The following SHISA6 variants were observed in gnomAD, a reference collection of about 807,000 sequenced individuals.
SHISA6 encodes the protein protein shisa-6.
In SHISA6, 22 loss-of-function variants were observed where a neutral mutation model predicts 47.9. That is an observed-to-expected ratio of 0.46 (90% CI 0.33 to 0.66). SHISA6 has a LOEUF of 0.66. Ranked by LOEUF, SHISA6 falls within the 30% of genes least tolerant of loss-of-function variation. The pLI is 0.02. For synonymous variants in SHISA6, 388 were observed against 337.8 expected (o/e 1.15, Z -1.63); for missense variants, 680 against 764.6 (o/e 0.89, Z 1.30).
intron 3 of SHISA6, among the ~76,000 whole-genome samples, chr17:11,390,163 G>A (rs763220158): frequency 9.2e-5 from 14 of 152,292 alleles, no homozygotes; most frequent in African/African-American, 2.6e-4. Context: ...AAATAGTAAC[G>A]TAAATTTTCT....
intron 3 of SHISA6, among the ~76,000 whole-genome samples, chr17:11,483,575 C>T (rs1430546734): frequency 6.6e-6 from 1 of 152,256 alleles, no homozygotes; most frequent in African/African-American, 2.4e-5. Context: ...AGCAGTGTTG[C>T]ACAGAATTCA....
chr17:11,546,609 A>G (rs1382459999), intron 3 of SHISA6, among the ~76,000 whole-genome samples: 1 of 152,208 alleles, frequency 6.6e-6, no homozygotes, highest in Non-Finnish European at 1.5e-5. Context: ...ACTTAAAGGC[A>G]AAAAGAAGGC....
chr17:11,300,469 C>T (rs1909887748), intron 2 of SHISA6, among the ~76,000 whole-genome samples: 1 of 152,108 alleles, frequency 6.6e-6, no homozygotes, highest in African/African-American at 2.4e-5. Context: ...TCCAGGCAGC[C>T]CTGTCAGTTG....
intron 2 of SHISA6, among the ~76,000 whole-genome samples, chr17:11,346,193 C>G (rs1237780129): frequency 6.6e-6 from 1 of 152,016 alleles, no homozygotes; most frequent in African/African-American, 2.4e-5. Flanking sequence ...TTTTCTGCAT[C>G]TTTTGAGATA....
intron 3 of SHISA6, among the ~76,000 whole-genome samples, chr17:11,528,043 A>G (rs925933958): frequency 4.6e-5 from 7 of 152,184 alleles, no homozygotes; most frequent in African/African-American, 1.7e-4. Flanking sequence ...GAACTTTACA[A>G]TAAACTTTAA....
intron 3 of SHISA6, among the ~76,000 whole-genome samples, chr17:11,545,824 C>A (rs1270192361): frequency 6.6e-6 from 1 of 152,148 alleles, no homozygotes; most frequent in Non-Finnish European, 1.5e-5. Context: ...TTTCATGTAT[C>A]CTTCTCATGT....
At chr17:11,304,770 C>T (rs1053905087) in intron 2 of SHISA6, among the ~76,000 whole-genome samples, 2 of 149,790 alleles carry the variant, frequency 1.3e-5, no homozygotes, top group Non-Finnish European at 3.0e-5. Flanking sequence ...TAGGGAAACT[C>T]AGCCCTGAGA....
intron 1 of SHISA6, among the ~76,000 whole-genome samples, chr17:11,245,759 G>A (rs1235975652): frequency 7.5e-6 from 1 of 134,172 alleles, no homozygotes; most frequent in African/African-American, 3.9e-5. Flanking sequence ...TGGGGGGGGT[G>A]GATATCTAGG....
At chr17:11,312,513 G>A (rs930307247) in intron 2 of SHISA6, among the ~76,000 whole-genome samples, 2 of 152,108 alleles carry the variant, frequency 1.3e-5, no homozygotes, top group Non-Finnish European at 2.9e-5. Context: ...AGGCTAAAAA[G>A]CAAAATATAC....
chr17:11,456,614 C>A (rs1006945070), intron 3 of SHISA6, among the ~76,000 whole-genome samples: 2 of 152,262 alleles, frequency 1.3e-5, no homozygotes, highest in East Asian at 1.9e-4. Context: ...TGAAATAGTT[C>A]TTTGAACCTC....
chr17:11,407,213 T>C (rs1163653116), intron 3 of SHISA6, among the ~76,000 whole-genome samples: 1 of 151,946 alleles, frequency 6.6e-6, no homozygotes, highest in Admixed American at 6.6e-5. Flanking sequence ...CTGAATTTTA[T>C]AGGTGAGGAA....
chr17:11,328,997 T>C (rs1911009716), intron 2 of SHISA6, among the ~76,000 whole-genome samples: 1 of 152,152 alleles, frequency 6.6e-6, no homozygotes, highest in Non-Finnish European at 1.5e-5. Flanking sequence ...TAACAATAAA[T>C]CAAAACAATG....
intron 2 of SHISA6, among the ~76,000 whole-genome samples, chr17:11,362,249 C>T (rs1366585256): frequency 6.6e-6 from 1 of 152,098 alleles, no homozygotes; most frequent in African/African-American, 2.4e-5. Context: ...AAGCAATCCT[C>T]CTGCCCAAGC....
intron 3 of SHISA6, among the ~76,000 whole-genome samples, chr17:11,386,864 C>A (rs1168224977): frequency 1.3e-5 from 2 of 152,206 alleles, no homozygotes; most frequent in Non-Finnish European, 2.9e-5. Flanking sequence ...GACCGACCAT[C>A]CCGGGTTGCC....
At chr17:11,530,153 C>T (rs1266898068) in intron 3 of SHISA6, among the ~76,000 whole-genome samples, 1 of 152,112 alleles carries the variant, frequency 6.6e-6, no homozygotes, top group Non-Finnish European at 1.5e-5. Flanking sequence ...AGTAATCTTC[C>T]TTAGGGAAAA....
intron 3 of SHISA6, among the ~76,000 whole-genome samples, chr17:11,463,508 C>T (rs776914899): frequency 1.2e-4 from 18 of 152,226 alleles, no homozygotes; most frequent in Non-Finnish European, 2.9e-5. Flanking sequence ...ATCCCACCCT[C>T]TGTTAGTTAA....
chr17:11,314,634 C>A (rs1401068777), intron 2 of SHISA6, among the ~76,000 whole-genome samples: 1 of 151,176 alleles, frequency 6.6e-6, no homozygotes, highest in African/African-American at 2.4e-5. Context: ...CTCCCGGATT[C>A]AAGCAATTCT....
rs996068113 is a variant in SHISA6, at chr17:11,263,518, A to C, written c.791A>C (p.Gln264Pro). ...NHYTPVRTAK[Q>P]TPGHYGKDAY... ...TACACTCCTGTGCGTACGGCCAAGC[A>C]GACTCCAGGTAAGTAACAGCTGGGC... Residue 264 changes from glutamine (Q) to proline (P), a missense_variant, in exon 2 of 6, where the codon CAG (glutamine) becomes CCG (proline). Physicochemically the swap from Gln to Pro is moderately conservative, Grantham distance 76. This residue lies in a region of SHISA6 where 559 missense variants were observed against 674.1 expected (regional missense o/e 0.83). Transcript: ENST00000441885. 1 of 1,551,586 alleles carries C rather than the reference A, an allele frequency of 6.4e-7. No homozygotes were observed. Among genetic ancestry groups the C allele is most frequent in the African/African-American group, 1.4e-5 (1 of 73,052 alleles).
chr17:11,343,214 G>A (rs1233561013), intron 2 of SHISA6, among the ~76,000 whole-genome samples: 1 of 152,194 alleles, frequency 6.6e-6, no homozygotes, highest in Admixed American at 6.5e-5. Context: ...TCTGGAGGAA[G>A]GAGAGAAGAG....
Sources: gnomAD v4.1 joint callset for allele counts (sites outside exome capture counted in the v4.1 genomes callset) on GRCh38, gnomAD v4.1.1 for gene constraint, gnomAD v4.1.1 regional missense constraint, MANE v1.5 for transcripts, NCBI Gene and HGNC (gene_info 2026-07-23, HGNC 2026-07-21) for gene names.